SAMD12: variants seen among roughly 807,000 people sequenced by gnomAD.
SAMD12 encodes the protein sterile alpha motif domain containing 12.
In SAMD12, 9 loss-of-function variants were observed where a neutral mutation model predicts 15.0. The ratio of observed to expected loss-of-function variants is 0.60; its 90% confidence interval spans 0.36 to 1.05. SAMD12 has a LOEUF of 1.05. SAMD12 is among the 50% of genes least tolerant of loss of function. The pLI is 0.01. For missense variants in SAMD12, 230 were observed against 234.2 expected (o/e 0.98, Z 0.12); for synonymous variants, 86 against 90.1 (o/e 0.96, Z 0.25).
chr8:118,276,738 T>G (rs1813483145), intron 4 of SAMD12, among the ~76,000 whole-genome samples: 1 of 152,202 alleles, frequency 6.6e-6, no homozygotes, highest in Admixed American at 6.5e-5. Context: ...GGTGGTGTGA[T>G]CTTAGCTCAC....
At chr8:118,404,109 A>C (rs1821005770) in intron 3 of SAMD12, among the ~76,000 whole-genome samples, 1 of 152,094 alleles carries the variant, frequency 6.6e-6, no homozygotes, top group South Asian at 2.1e-4. Flanking sequence ...CAACCTCCCA[A>C]GTAGCTGGGA....
chr8:118,371,616 G>A (rs913758606), intron 4 of SAMD12, among the ~76,000 whole-genome samples: 1 of 152,068 alleles, frequency 6.6e-6, no homozygotes, highest in Non-Finnish European at 1.5e-5. Context: ...GAACAGACTC[G>A]GGAGATGGTA....
chr8:118,432,614 T>C (rs979476334), intron 3 of SAMD12, among the ~76,000 whole-genome samples: 21 of 152,182 alleles, frequency 1.4e-4, no homozygotes, highest in African/African-American at 2.4e-5. Context: ...AATAGAGCCT[T>C]ATCCTAGGAA....
At chr8:118,321,144 A>AATATATATATATATATATATATAT (rs4053452) in intron 4 of SAMD12, among the ~76,000 whole-genome samples, 13 of 94,496 alleles carry the variant, frequency 1.4e-4, no homozygotes, top group African/African-American at 2.0e-4. Flanking sequence ...ATAGATAATA[A>AATATATATATATATATATATATAT]ATATATATAT....
At chr8:118,243,864 G>A (rs1812625811) in intron 4 of SAMD12, among the ~76,000 whole-genome samples, 1 of 152,092 alleles carries the variant, frequency 6.6e-6, no homozygotes, top group Non-Finnish European at 1.5e-5. Context: ...CCAAAAGAAA[G>A]AAATCTGCAT....
Position 118,298,391 on chromosome 8 carries a change from C to T in SAMD12, c.433+81169G>A, listed in dbSNP as rs1814836941. Among the ~76,000 whole-genome samples, 2 of 152,122 alleles carry T rather than the reference C, an allele frequency of 1.3e-5. 1 individual carries two copies. The highest frequency in any genetic ancestry group is 2.9e-5 in the Non-Finnish European group (2 of 68,008). On this transcript the variant is annotated intron_variant, in intron 4 of 4. Coordinates refer to the SAMD12 transcript ENST00000409003. ...AGGCATATACAATGTTATGAACATGCACTACCTATCAGTAATCTGTAATAT... is the reference window on the plus strand; with the variant it reads ...AGGCATATACAATGTTATGAACATGTACTACCTATCAGTAATCTGTAATAT...
At chr8:118,209,589 A>G (rs1819961102) in intron 4 of SAMD12, among the ~76,000 whole-genome samples, 1 of 152,180 alleles carries the variant, frequency 6.6e-6, no homozygotes, top group Non-Finnish European at 1.5e-5. Context: ...CTTGTGATTA[A>G]TTGCTTGAAC....
intron 4 of SAMD12, among the ~76,000 whole-genome samples, chr8:118,330,812 T>C (rs374585217): frequency 1.4e-4 from 21 of 152,092 alleles, no homozygotes; most frequent in African/African-American, 4.1e-4. Context: ...CCAAGCGACA[T>C]GATCATGAGA....
the SAMD12 span, among the ~76,000 whole-genome samples, chr8:118,155,471 G>A: frequency 6.6e-6 from 1 of 152,218 alleles, no homozygotes; most frequent in South Asian, 2.1e-4. Context: ...ATTGTATCCA[G>A]TGTAAAACTC....
At chr8:118,511,366 C>T (rs1043903991) in intron 2 of SAMD12, among the ~76,000 whole-genome samples, 6 of 151,898 alleles carry the variant, frequency 4.0e-5, no homozygotes, top group Admixed American at 2.0e-4. Flanking sequence ...ACTTTTTTCA[C>T]GGTTTATGGT....
chr8:118,477,769 C>T (rs1824000357), intron 2 of SAMD12, among the ~76,000 whole-genome samples: 1 of 152,026 alleles, frequency 6.6e-6, no homozygotes. Flanking sequence ...AATCCCAGCA[C>T]TTTGGGAGCT....
chr8:118,337,524 AT>A (rs1817143808), intron 4 of SAMD12, among the ~76,000 whole-genome samples: 1 of 152,222 alleles, frequency 6.6e-6, no homozygotes, highest in Admixed American at 6.5e-5. Flanking sequence ...CAGCCTAAAA[AT>A]ATCACATGAA....
intron 4 of SAMD12, among the ~76,000 whole-genome samples, chr8:118,316,669 C>A (rs1475217980): frequency 6.6e-6 from 1 of 152,044 alleles, no homozygotes; most frequent in Non-Finnish European, 1.5e-5. Context: ...ACTGGTACAA[C>A]CACTTGGCGG....
intron 3 of SAMD12, among the ~76,000 whole-genome samples, chr8:118,433,389 T>C (rs188891369): frequency 9.3e-5 from 14 of 151,026 alleles, no homozygotes; most frequent in Admixed American, 8.7e-4. Flanking sequence ...CTTCCACTTG[T>C]GTTTATTTCT....
rs1310252830 is a variant in SAMD12, at chr8:118,320,678, G to GA, written c.433+58881_433+58882insT. Among the ~76,000 whole-genome samples the GA allele has an allele frequency of 1.4e-5, 2 of 147,368 alleles. 1 individual carries two copies. Among genetic ancestry groups the GA allele is most frequent in the African/African-American group, 5.1e-5 (2 of 39,414 alleles). ...ACCGGGGCCTGTCGTGGGGTGGGGG[G>GA]GGTGGGGAGGGATAGCATTAGGAGA... On this transcript the variant is annotated intron_variant, in intron 4 of 4. Coordinates refer to the SAMD12 transcript ENST00000409003.
At chr8:118,303,429 C>T (rs1388715280) in intron 4 of SAMD12, among the ~76,000 whole-genome samples, 1 of 152,170 alleles carries the variant, frequency 6.6e-6, no homozygotes, top group Non-Finnish European at 1.5e-5. Context: ...ATCCCAAATA[C>T]TGTATGGTTT....
Position 118,337,926 on chromosome 8 carries a change from A to G in SAMD12, c.433+41634T>C, listed in dbSNP as rs1817164019. ...TGTGGTAAGAACAAATCTTCTATCC[A>G]TTAAATTGTGAAGAAACAAAAAGAA... On this transcript the variant is annotated intron_variant, in intron 4 of 4. Transcript: ENST00000409003. Among the ~76,000 whole-genome samples, 6 of 152,358 alleles carry G rather than the reference A, an allele frequency of 3.9e-5. No individual in the cohort carries two copies. The South Asian group carries it at 1.2e-3, about 32-fold the overall frequency.
At chr8:118,452,572 C>T (rs1586729213) in intron 2 of SAMD12, among the ~76,000 whole-genome samples, 2 of 152,216 alleles carry the variant, frequency 1.3e-5, no homozygotes, top group South Asian at 4.1e-4. Context: ...TCTTTACAAC[C>T]ACATTCCTAA....
At chr8:118,237,286 C>A (rs1205426630) in intron 4 of SAMD12, among the ~76,000 whole-genome samples, 1 of 149,874 alleles carries the variant, frequency 6.7e-6, no homozygotes, top group Non-Finnish European at 1.5e-5. Context: ...AATGATCGTA[C>A]CTACCTTACC....
Sources: gnomAD v4.1 joint callset for allele counts (sites outside exome capture counted in the v4.1 genomes callset) on GRCh38, gnomAD v4.1.1 for gene constraint, MANE v1.5 for transcripts, NCBI Gene and HGNC (gene_info 2026-07-23, HGNC 2026-07-21) for gene names.